Variants in SUPT5H observed in about 807,000 individuals in gnomAD.
The protein encoded by SUPT5H is transcription elongation factor SPT5.
Under a neutral mutation model 142.5 loss-of-function variants are expected in SUPT5H, and 24 were observed. The ratio of observed to expected loss-of-function variants is 0.17; its 90% confidence interval spans 0.12 to 0.24. SUPT5H has a LOEUF of 0.24. SUPT5H is among the 10% of genes least tolerant of loss of function. The pLI is 1.00. For missense variants in SUPT5H, 893 were observed against 1,471.8 expected, an observed-to-expected ratio of 0.61 and a Z score of 6.43; for synonymous variants, 546 against 553.0, an observed-to-expected ratio of 0.99 and a Z score of 0.18.
intron 11 of SUPT5H, among the ~76,000 whole-genome samples, chr19:39,465,737 G>C (rs1327004430): frequency 6.6e-6 from 1 of 152,188 alleles, no homozygotes; most frequent in Non-Finnish European, 1.5e-5. Context: ...GGAATAGCCT[G>C]GAGGGGGCCA....
chr19:39,452,278 A>T (rs2079031342), intron 2 of SUPT5H, among the ~76,000 whole-genome samples: 1 of 152,112 alleles, frequency 6.6e-6, no homozygotes, highest in Non-Finnish European at 1.5e-5. Context: ...TCTGGAAAAA[A>T]GTGGGACTCT....
Position 39,470,034 on chromosome 19 carries a change from T to C in SUPT5H, c.1375-85T>C, listed in dbSNP as rs2079297730. 1 of 1,533,730 alleles carries C rather than the reference T, an allele frequency of 6.5e-7. No individual in the cohort carries two copies. The highest frequency in any genetic ancestry group is 1.8e-5 in the Admixed American group (1 of 54,612). On this transcript the variant is annotated intron_variant, in intron 16 of 29. Coordinates refer to ENST00000432763, the MANE Select transcript of SUPT5H (RefSeq NM_001111020.3). The surrounding 1 kb of genome is among the most constrained non-coding windows in gnomAD (Gnocchi z 5.8). ...GCCTGAAGTGGGGTTTTTGAGAACA[T>C]GCGTAGATTCTGAAGACAGGAGGGG...
At position 39,466,200 on chromosome 19, in the gene SUPT5H, G is replaced by C. The variant is rs2082906312; in HGVS notation, c.877-280G>C. ...CTGAGCAGAGGGAAGAATGGAGTGG[G>C]AGGCGGCAGGTTTGGGGGAATCAGC... is the stretch of plus-strand genomic sequence containing the variant. On this transcript the variant is annotated intron_variant, in intron 11 of 29. Coordinates refer to ENST00000432763, the MANE Select transcript of SUPT5H (RefSeq NM_001111020.3). This position sits in a 1 kb window ranked among gnomAD's most constrained non-coding sequence, Gnocchi z 4.3. Among the ~76,000 whole-genome samples, 1 of 152,170 alleles carries C rather than the reference G, an allele frequency of 6.6e-6. No homozygotes were observed. Among genetic ancestry groups the C allele is most frequent in the Admixed American group, 6.5e-5 (1 of 15,268 alleles).
At position 39,458,696 on chromosome 19, in the gene SUPT5H, G is replaced by A; in HGVS notation, c.320-122G>A. On this transcript the variant is annotated intron_variant, in intron 5 of 29. Transcript: ENST00000432763. The surrounding 1 kb of genome is among the most constrained non-coding windows in gnomAD (Gnocchi z 4.2). The stretch of plus-strand genomic sequence containing the variant: ...GGGATGAGGGGTTGGGATTTCCTCT[G>A]TGAGATGTCATCTTCCTGCCCCAGG... 1.1e-6 allele frequency: 1 copy of A among 915,920 alleles called. No individual in the cohort carries two copies. The allele number at this position is 915,920 out of a possible 1,614,324, so 56.7% of individuals were successfully genotyped here. A position where few individuals can be genotyped will look rare whatever the true frequency, so the allele number is the denominator to read the frequency against.
intron 13 of SUPT5H, 38 bp from the exon 14 acceptor site, chr19:39,468,718 C>T: frequency 6.4e-7 from 1 of 1,567,838 alleles, no homozygotes; most frequent in South Asian, 1.1e-5. Context: ...TTCTTCTTGA[C>T]TCTCCCTTCT....
intron 2 of SUPT5H, among the ~76,000 whole-genome samples, chr19:39,448,505 C>G (rs1429413449): frequency 4.6e-5 from 7 of 152,072 alleles, no homozygotes; most frequent in African/African-American, 7.2e-5. Flanking sequence ...CTGTCTGGGA[C>G]ATTCTCGTTT....
At position 39,466,663 on chromosome 19, in the gene SUPT5H, T is replaced by C. The variant is rs2079242144; in HGVS notation, c.967-12T>C. 6.3e-7 allele frequency: 1 copy of C among 1,597,494 alleles called. No individual in the cohort carries two copies. Among genetic ancestry groups the C allele is most frequent in the Non-Finnish European group, 8.6e-7 (1 of 1,167,822 alleles). On this transcript the variant is annotated splice_polypyrimidine_tract_variant and intron_variant, in intron 12 of 29. Transcript: ENST00000432763. This position sits in a 1 kb window ranked among gnomAD's most constrained non-coding sequence, Gnocchi z 4.3. ...CCCTCACCCTTCCCACCCATGCCCC[T>C]TTCCTCCATAGAAAGACTGGTTTGC...
chr19:39,475,811 A>T, intron 28 of SUPT5H: 1 of 468,244 alleles, frequency 2.1e-6, no homozygotes. Context: ...GAAGACGCTG[A>T]GGCCAGTTTG....
intron 2 of SUPT5H, among the ~76,000 whole-genome samples, chr19:39,446,191 G>A (rs927792958): frequency 1.1e-4 from 16 of 152,208 alleles, no homozygotes; most frequent in African/African-American, 3.9e-4. Context: ...TGTTTTGAAA[G>A]TTTACTCTGT....
At chr19:39,460,063 GCT>G in intron 10 of SUPT5H, 103 bp downstream of exon 10, 1 of 1,212,950 alleles carries the variant, frequency 8.2e-7, no homozygotes, top group Non-Finnish European at 1.2e-6. Flanking sequence ...TGTGAGCAGA[GCT>G]GCCTGCTGAG....
chr19:39,459,511 C>T, intron 8 of SUPT5H, 48 bp from the exon 9 acceptor site: 6 of 1,611,034 alleles, frequency 3.7e-6, no homozygotes, highest in Non-Finnish European at 5.1e-6. Context: ...CTGTTTGTTA[C>T]TGAAGATCCA....
chr19:39,474,755 C>T lies in SUPT5H; in HGVS notation c.3024+37C>T, dbSNP rs1213307811. 6.4e-7 allele frequency: 1 copy of T among 1,571,298 alleles called. No homozygotes were observed. The highest frequency in any genetic ancestry group is 8.6e-7 in the Non-Finnish European group (1 of 1,157,504). Reference sequence around the variant, plus strand: ...CCAGGGTGGTGGGTGAGCAGGCATCCTCTCCTTGGTACCCCCTAAACTGGA... The same window carrying T: ...CCAGGGTGGTGGGTGAGCAGGCATCTTCTCCTTGGTACCCCCTAAACTGGA... On this transcript the variant is annotated intron_variant, in intron 28 of 29. Coordinates refer to ENST00000432763, the MANE Select transcript of SUPT5H (RefSeq NM_001111020.3). The surrounding 1 kb of genome is among the most constrained non-coding windows in gnomAD (Gnocchi z 6.5).
chr19:39,468,482 A>G (rs984168124), intron 13 of SUPT5H: 2 of 505,056 alleles, frequency 4.0e-6, no homozygotes, highest in South Asian at 2.4e-5. Context: ...TGGAGCTGAC[A>G]TGCTAGTTAG....
rs1160057322 is a variant in SUPT5H, at chr19:39,472,486, T to C, written c.2028T>C (p.Ser676=). The C allele has an allele frequency of 1.9e-6, 3 of 1,613,934 alleles. No individual in the cohort carries two copies. The highest frequency in any genetic ancestry group is 2.5e-6 in the Non-Finnish European group (3 of 1,179,944). The change falls in exon 21 of 30, where the codon AGT becomes AGC. Residue 676 remains serine (S), a synonymous_variant. Transcript: ENST00000432763. The surrounding 1 kb of genome is among the most constrained non-coding windows in gnomAD (Gnocchi z 4.2). ...SPRISSPMHP[S]AGGQRGGFGS... ...GGATCAGCAGCCCCATGCACCCCAG[T>C]GCTGGAGGTGAGAGGGGTTCAGGGT...
In SUPT5H at chr19:39,476,315, T is replaced by C. The variant is rs752261929; in HGVS notation, c.3180T>C (p.Gly1060=). ...CGGGCGTCCTACTGAGCATTGATGGTGAGGATGGCATTGTCCGTATGGACC... is the reference window on the plus strand; with the variant it reads ...CGGGCGTCCTACTGAGCATTGATGGCGAGGATGGCATTGTCCGTATGGACC... ...EATGVLLSID[G]EDGIVRMDLD... The change falls in exon 30 of 30, where the codon GGT becomes GGC. Residue 1060 remains glycine, a synonymous_variant. Coordinates refer to ENST00000432763, the MANE Select transcript of SUPT5H (RefSeq NM_001111020.3). 321 of 1,613,926 alleles carry C rather than the reference T, an allele frequency of 2.0e-4. No individual in the cohort carries two copies. Among genetic ancestry groups the C allele is most frequent in the Non-Finnish European group, 2.6e-4 (305 of 1,180,014 alleles).
Position 39,470,357 on chromosome 19 carries a change from C to T in SUPT5H, c.1531-20C>T. 1.3e-6 allele frequency: 2 copies of T among 1,550,804 alleles called. No homozygotes were observed. The highest frequency in any genetic ancestry group is 1.7e-6 in the Non-Finnish European group (2 of 1,144,288). On this transcript the variant is annotated intron_variant, in intron 17 of 29. Coordinates refer to ENST00000432763, the MANE Select transcript of SUPT5H (RefSeq NM_001111020.3). The surrounding 1 kb of genome is among the most constrained non-coding windows in gnomAD (Gnocchi z 5.8). ...CGAGCCACCTGGACTGGGCCTCACC[C>T]CTTTCACCATCCCTGGCAGCTGAAG...
Position 39,466,431 on chromosome 19 carries a change from G to A in SUPT5H, c.877-49G>A. 6.5e-7 allele frequency: 1 copy of A among 1,548,728 alleles called. No homozygotes were observed. Among genetic ancestry groups the A allele is most frequent in the South Asian group, 1.1e-5 (1 of 89,538 alleles). On this transcript the variant is annotated intron_variant, in intron 11 of 29. Coordinates refer to ENST00000432763, the MANE Select transcript of SUPT5H (RefSeq NM_001111020.3). This position sits in a 1 kb window ranked among gnomAD's most constrained non-coding sequence, Gnocchi z 4.3. ...TCTCCTGACCCTTCTTGTGTCTGGG[G>A]TCAGGGAGGAGAGTGGGGCCCTGCT...
At chr19:39,471,899 C>T (rs2079326509) in intron 20 of SUPT5H, 169 bp downstream of exon 20, 10 of 995,442 alleles carry the variant, frequency 1.0e-5, no homozygotes, top group Non-Finnish European at 1.4e-5. Context: ...CTGAGCTGTT[C>T]ACCAAGTTAT....
At chr19:39,465,786 G>A (rs187862883) in intron 11 of SUPT5H, among the ~76,000 whole-genome samples, 1 of 152,344 alleles carries the variant, frequency 6.6e-6, no homozygotes, top group African/African-American at 2.4e-5. Flanking sequence ...GGCTGCTGCT[G>A]TAGCACATCC....
Sources: allele counts gnomAD v4.1 joint callset (sites outside exome capture counted in the v4.1 genomes callset), GRCh38; gene constraint gnomAD v4.1.1; non-coding constraint Gnocchi (gnomAD v3.1); transcripts MANE v1.5; gene names NCBI Gene and HGNC (gene_info 2026-07-23, HGNC 2026-07-21).